TSHZ2: variants seen among roughly 807,000 people sequenced by gnomAD.
TSHZ2 encodes the protein teashirt homolog 2.
A neutral mutation model predicts 74.4 loss-of-function variants in TSHZ2; 21 were observed. The ratio of observed to expected loss-of-function variants is 0.28; its 90% confidence interval spans 0.20 to 0.41. TSHZ2 has a LOEUF of 0.41. Ranked by LOEUF, TSHZ2 falls within the 10% of genes least tolerant of loss-of-function variation. TSHZ2 has a pLI of 1.00. For missense variants in TSHZ2, 1,244 were observed against 1,293.5 expected, an observed-to-expected ratio of 0.96 and a Z score of 0.59; for synonymous variants, 540 against 515.3, an observed-to-expected ratio of 1.05 and a Z score of -0.65.
intron 1 of TSHZ2, among the ~76,000 whole-genome samples, chr20:53,177,022 A>T (rs1271223873): frequency 2.0e-5 from 3 of 151,890 alleles, no homozygotes; most frequent in Admixed American, 2.0e-4. Flanking sequence ...TTTTGTTATT[A>T]TTGTAGAAAT....
intron 2 of TSHZ2, among the ~76,000 whole-genome samples, chr20:53,376,071 C>T (rs1347120227): frequency 2.0e-5 from 3 of 152,140 alleles, no homozygotes; most frequent in Admixed American, 2.0e-4. Flanking sequence ...CAGGGAAGAC[C>T]ACCCTAAGAA....
intron 1 of TSHZ2, chr20:53,185,215 T>G: frequency 1.0e-6 from 1 of 987,876 alleles, no homozygotes; most frequent in Non-Finnish European, 1.2e-6. Context: ...AGCTTTTTAC[T>G]GTCATTTAGC....
At chr20:53,082,645 T>C (rs781123307) in intron 1 of TSHZ2, among the ~76,000 whole-genome samples, 9 of 152,246 alleles carry the variant, frequency 5.9e-5, no homozygotes, top group Non-Finnish European at 8.8e-5. Context: ...GGTGATTCCC[T>C]CACCGATGCC....
chr20:53,460,998 G>C (rs1985340292), intron 2 of TSHZ2, among the ~76,000 whole-genome samples: 1 of 152,210 alleles, frequency 6.6e-6, no homozygotes, highest in African/African-American at 2.4e-5. Flanking sequence ...CTTTTTGTTT[G>C]TCTGTGCCCT....
intron 2 of TSHZ2, among the ~76,000 whole-genome samples, chr20:53,405,590 C>T (rs1294312607): frequency 6.6e-6 from 1 of 152,018 alleles, no homozygotes; most frequent in Non-Finnish European, 1.5e-5. Flanking sequence ...TGCCAAGGTG[C>T]CAACATTCTA....
At chr20:52,984,609 G>A (rs1319821649) in intron 1 of TSHZ2, among the ~76,000 whole-genome samples, 2 of 152,130 alleles carry the variant, frequency 1.3e-5, no homozygotes, top group Non-Finnish European at 2.9e-5. Flanking sequence ...GCAAGCAAGG[G>A]GCTGGGGCTG....
intron 1 of TSHZ2, among the ~76,000 whole-genome samples, chr20:53,032,289 C>T (rs757605433): frequency 1.3e-5 from 2 of 152,298 alleles, no homozygotes; most frequent in East Asian, 1.9e-4. Flanking sequence ...TCATGCAGGA[C>T]GATTACGTTT....
At chr20:53,004,393 C>T (rs1196600895) in intron 1 of TSHZ2, among the ~76,000 whole-genome samples, 1 of 152,118 alleles carries the variant, frequency 6.6e-6, no homozygotes, top group Non-Finnish European at 1.5e-5. Context: ...TTCCTGATGG[C>T]CAAGACGTAA....
intron 1 of TSHZ2, among the ~76,000 whole-genome samples, chr20:53,189,182 T>C (rs1988673348): frequency 6.6e-6 from 1 of 152,242 alleles, no homozygotes; most frequent in Non-Finnish European, 1.5e-5. Flanking sequence ...GGGAAAAAGA[T>C]TTCCATCCTT....
chr20:53,370,433 C>G (rs1981425042), intron 2 of TSHZ2, among the ~76,000 whole-genome samples: 1 of 152,142 alleles, frequency 6.6e-6, no homozygotes, highest in Non-Finnish European at 1.5e-5. Flanking sequence ...TGTTAAATCT[C>G]TCCGTTCATA....
At chr20:53,084,682 C>CCTCCCTCCCTCTCTCCCTCT (rs1985640555) in intron 1 of TSHZ2, among the ~76,000 whole-genome samples, 1 of 77,138 alleles carries the variant, frequency 1.3e-5, no homozygotes, top group Non-Finnish European at 2.6e-5. Context: ...TCCCTCCCTC[C>CCTCCCTCCCTCTCTCCCTCT]CTCCCTCCCT....
At chr20:53,326,882 A>G (rs1979515271) in intron 2 of TSHZ2, among the ~76,000 whole-genome samples, 1 of 152,250 alleles carries the variant, frequency 6.6e-6, no homozygotes, top group South Asian at 2.1e-4. Context: ...TAGCAGGTCT[A>G]CAATTATGAT....
At chr20:53,464,412 C>T (rs1985493288) in intron 2 of TSHZ2, among the ~76,000 whole-genome samples, 1 of 151,998 alleles carries the variant, frequency 6.6e-6, no homozygotes, top group African/African-American at 2.4e-5. Context: ...GTGAGAAGGG[C>T]CCTTCAGGCA....
intron 1 of TSHZ2, chr20:53,179,488 G>A (rs1988422020): frequency 6.6e-6 from 1 of 152,224 alleles, no homozygotes; most frequent in African/African-American, 2.4e-5. Context: ...AGAAGTCATA[G>A]GTGAGACTTC....
chr20:53,018,473 G>T (rs1388110066), intron 1 of TSHZ2, among the ~76,000 whole-genome samples: 1 of 152,140 alleles, frequency 6.6e-6, no homozygotes, highest in African/African-American at 2.4e-5. Flanking sequence ...CAAACCAGGG[G>T]CTAACAGAAG....
At chr20:53,197,734 T>C (rs928949122) in intron 1 of TSHZ2, among the ~76,000 whole-genome samples, 7 of 152,350 alleles carry the variant, frequency 4.6e-5, no homozygotes, top group Admixed American at 3.3e-4. Flanking sequence ...TGCTTCTACC[T>C]GACAGCCACC....
At chr20:53,153,449 G>A (rs1987722216) in intron 1 of TSHZ2, among the ~76,000 whole-genome samples, 1 of 152,122 alleles carries the variant, frequency 6.6e-6, no homozygotes, top group Admixed American at 6.5e-5. Context: ...TACAGTTCTT[G>A]GACTGCAAGC....
intron 2 of TSHZ2, chr20:53,455,282 G>C (rs1158206313): frequency 1.3e-5 from 2 of 152,294 alleles, no homozygotes; most frequent in African/African-American, 4.8e-5. Context: ...TTGATGGCTT[G>C]CTTGCTTATT....
At chr20:53,472,683 G>A (rs1381289032) in intron 2 of TSHZ2, among the ~76,000 whole-genome samples, 1 of 151,986 alleles carries the variant, frequency 6.6e-6, no homozygotes, top group East Asian at 1.9e-4. Context: ...AACAGCTCCA[G>A]TCTACAGCTC....
Sources: gnomAD v4.1 joint callset for allele counts (sites outside exome capture counted in the v4.1 genomes callset) on GRCh38, gnomAD v4.1.1 for gene constraint, MANE v1.5 for transcripts, NCBI Gene and HGNC (gene_info 2026-07-23, HGNC 2026-07-21) for gene names.